The following LRP6 variants were observed in gnomAD, a reference collection of about 807,000 sequenced individuals.
LRP6 encodes the protein low-density lipoprotein receptor-related protein 6.
Under a neutral mutation model 184.1 loss-of-function variants are expected in LRP6, and 43 were observed. The ratio of observed to expected loss-of-function variants is 0.23; its 90% CI spans 0.18 to 0.30. The LOEUF is 0.30. LRP6 is among the 10% of genes least tolerant of loss of function. LRP6 has a pLI of 1.00. For missense variants in LRP6, 1,571 were observed against 2,005.3 expected, an observed-to-expected ratio of 0.78 and a Z score of 4.14; for synonymous variants, 719 against 684.9, an observed-to-expected ratio of 1.05 and a Z score of -0.78.
chr12:12,159,352 C>T (rs1862684543), intron 11 of LRP6, among the ~76,000 whole-genome samples, 197 bp from the exon 12 acceptor site: 1 of 126,484 alleles, frequency 7.9e-6, no homozygotes, highest in Non-Finnish European at 1.8e-5. Flanking sequence ...TATCTTCTGA[C>T]CCCATGCTTC....
At chr12:12,147,271 G>A in intron 15 of LRP6, 95 bp downstream of exon 15, 1 of 1,414,290 alleles carries the variant, frequency 7.1e-7, no homozygotes, top group Non-Finnish European at 9.9e-7. Flanking sequence ...AAACTGCCAA[G>A]AAATGTGCCA....
intron 21 of LRP6, among the ~76,000 whole-genome samples, chr12:12,124,881 C>G (rs1051963856): frequency 6.6e-6 from 1 of 152,078 alleles, no homozygotes; most frequent in African/African-American, 2.4e-5. Context: ...GTGACAAAAA[C>G]GAAAATCTGT....
chr12:12,134,072 T>C (rs1165561230), intron 17 of LRP6, among the ~76,000 whole-genome samples: 6 of 152,168 alleles, frequency 3.9e-5, no homozygotes, highest in Non-Finnish European at 7.3e-5. Flanking sequence ...ACAGTGCCCA[T>C]AGCTGCTACT....
intron 22 of LRP6, 140 bp downstream of exon 22, chr12:12,124,425 G>A: frequency 1.5e-6 from 1 of 676,024 alleles, no homozygotes; most frequent in Non-Finnish European, 2.6e-6. Context: ...TTGTGGTAGA[G>A]GCAATGTCAG....
In LRP6 at chr12:12,164,128, TA is replaced by T. The variant is rs770056510; in HGVS notation, c.2052+144del. On this transcript the variant is annotated intron_variant, in intron 9 of 22. Transcript: ENST00000261349. ...CTGGGTGACAGAGCAAGACACCGTT[TA>T]AAAAAAAAAAAAAAAACTTGAGGGT... 0.11 allele frequency: 67,603 copies of T among 597,152 alleles called. 264 individuals carry two copies. The highest frequency in any genetic ancestry group is 0.16 in the Middle Eastern group (350 of 2,124). The allele number at this position is 597,152 out of a possible 1,614,324, so 37.0% of individuals were successfully genotyped here. A position where few individuals can be genotyped will look rare whatever the true frequency, so the allele number is the denominator to read the frequency against.
In LRP6 at chr12:12,157,860, T is replaced by A. The variant is rs535078556; in HGVS notation, c.2791+969A>T. 6.0e-4 allele frequency among the ~76,000 whole-genome samples: 92 copies of A among 152,316 alleles called. 1 individual carries two copies. The South Asian group carries it at 0.019, about 31-fold the overall frequency. The stretch of plus-strand genomic sequence containing the variant: ...CTATCCACCAAGAAATGGGCCTTCA[T>A]ATATATTTAAGTTATAAGCCAGGTT... On this transcript the variant is annotated intron_variant, in intron 12 of 22. Coordinates refer to ENST00000261349, the MANE Select transcript of LRP6 (RefSeq NM_002336.3).
chr12:12,194,835 GTATT>G (rs1863710909), intron 3 of LRP6, among the ~76,000 whole-genome samples: 1 of 151,946 alleles, frequency 6.6e-6, no homozygotes, highest in African/African-American at 2.4e-5. Flanking sequence ...CTGTAATTCT[GTATT>G]TTTTAGCAAA....
intron 18 of LRP6, among the ~76,000 whole-genome samples, 170 bp from the exon 19 acceptor site, chr12:12,131,063 T>G (rs1162615879): frequency 1.3e-5 from 2 of 148,730 alleles, no homozygotes; most frequent in East Asian, 1.9e-4. Context: ...GAAAAAAGAG[T>G]AGGAGAAAAA....
intron 4 of LRP6, among the ~76,000 whole-genome samples, chr12:12,184,424 T>C (rs980018287): frequency 6.6e-6 from 1 of 150,692 alleles, no homozygotes; most frequent in South Asian, 2.1e-4. Flanking sequence ...CCAATAAAAC[T>C]AAGTGCTATT....
intron 7 of LRP6, among the ~76,000 whole-genome samples, chr12:12,178,722 C>G (rs1231219592): frequency 6.6e-6 from 1 of 152,162 alleles, no homozygotes; most frequent in Non-Finnish European, 1.5e-5. Context: ...GAAATACTAA[C>G]AGGGAGAAAA....
At chr12:12,266,560 G>A in intron 1 of LRP6, 121 bp downstream of exon 1, 3 of 754,846 alleles carry the variant, frequency 4.0e-6, no homozygotes, top group Non-Finnish European at 6.5e-6. Context: ...CCCACGACCA[G>A]GCCTCTCCCC....
At position 12,126,911 on chromosome 12, in the gene LRP6, T is replaced by C. The variant is rs759094862; in HGVS notation, c.4092A>G (p.Glu1364=). ...TATTGGTGGCCTGTGGTGCTGGTTC[T>C]TCAGTCGGATCTACAATGAAGAATG... ...KSDELDCYPT[E]EPAPQATNTV... The change falls in exon 20 of 23, where the codon GAA becomes GAG. Residue 1364 remains glutamate (E), a synonymous_variant. Coordinates refer to ENST00000261349, the MANE Select transcript of LRP6 (RefSeq NM_002336.3). The C allele has an allele frequency of 1.2e-6, 2 of 1,613,858 alleles. No homozygotes were observed. The highest frequency in any genetic ancestry group is 2.2e-5 in the South Asian group (2 of 91,064).
At chr12:12,150,443 T>C (rs952589999) in intron 13 of LRP6, among the ~76,000 whole-genome samples, 9 of 152,178 alleles carry the variant, frequency 5.9e-5, no homozygotes, top group South Asian at 2.1e-4. Flanking sequence ...GCTATGTGCT[T>C]TGCATTCTTT....
chr12:12,150,852 T>C lies in LRP6; in HGVS notation c.2978A>G (p.Gln993Arg). Reference sequence around the variant, plus strand: ...CTCAATTACCTGGCTGCCATCTTCTTGTGCCTTTCGGATCATGTTTTGTCG... The same window carrying C: ...CTCAATTACCTGGCTGCCATCTTCTCGTGCCTTTCGGATCATGTTTTGTCG... Reference protein sequence around the residue: ...DSRQNMIRKAQEDGSQGFTVV... With the variant: ...DSRQNMIRKAREDGSQGFTVV... The change falls in exon 13 of 23, where the codon CAA (glutamine) becomes CGA (arginine). Residue 993 changes from glutamine to arginine, a missense_variant. By Grantham distance (43) the Gln-to-Arg change is conservative. Transcript: ENST00000261349. 1 of 1,613,862 alleles carries C rather than the reference T, an allele frequency of 6.2e-7. No homozygotes were observed. Among genetic ancestry groups the C allele is most frequent in the Non-Finnish European group, 8.5e-7 (1 of 1,179,996 alleles).
chr12:12,186,718 G>A (rs556339590), intron 4 of LRP6: 307 of 602,574 alleles, frequency 5.1e-4, no homozygotes, highest in African/African-American at 5.0e-3. Flanking sequence ...GAGTGCAGTG[G>A]CGCAATCTCA....
chr12:12,149,855 T>A (rs1950058785), intron 13 of LRP6, among the ~76,000 whole-genome samples: 1 of 152,214 alleles, frequency 6.6e-6, no homozygotes, highest in Non-Finnish European at 1.5e-5. Flanking sequence ...CTGAACTGTA[T>A]CTTACTGGTA....
intron 3 of LRP6, chr12:12,187,448 C>T (rs561317156): frequency 5.5e-6 from 2 of 364,698 alleles, no homozygotes; most frequent in Non-Finnish European, 1.0e-5. Context: ...CAACTACCAT[C>T]TCTGGACTCA....
intron 12 of LRP6, among the ~76,000 whole-genome samples, chr12:12,152,640 A>G (rs1354536167): frequency 2.6e-5 from 4 of 152,078 alleles, no homozygotes; most frequent in Non-Finnish European, 5.9e-5. Context: ...CATTTTTTAA[A>G]TCTTCATTAA....
At chr12:12,202,378 AC>A (rs1279215311) in intron 3 of LRP6, among the ~76,000 whole-genome samples, 2 of 152,196 alleles carry the variant, frequency 1.3e-5, no homozygotes, top group African/African-American at 4.8e-5. Context: ...CGCCATCTTT[AC>A]AAAAATGACA....
Sources: allele counts gnomAD v4.1 joint callset (sites outside exome capture counted in the v4.1 genomes callset), GRCh38; gene constraint gnomAD v4.1.1; transcripts MANE v1.5; gene names NCBI Gene and HGNC (gene_info 2026-07-23, HGNC 2026-07-21).